Variants in CHD6 observed in about 807,000 individuals in gnomAD.
CHD6 encodes chromodomain helicase DNA binding protein 6, also known as ATP-dependent chromatin remodeler CHD6.
Under a neutral mutation model 276.9 loss-of-function variants are expected in CHD6, and 50 were observed. The observed-to-expected ratio is 0.18, with a 90% confidence interval of 0.14 to 0.23. CHD6 has a LOEUF of 0.23. CHD6 is among the 10% of genes least tolerant of loss of function. CHD6 has a pLI of 1.00. For missense variants in CHD6, 2,564 were observed against 3,365.8 expected, an observed-to-expected ratio of 0.76 and a Z score of 5.89; for synonymous variants, 1,173 against 1,229.3, an observed-to-expected ratio of 0.95 and a Z score of 0.96.
At chr20:41,576,996 C>A (rs1314986132) in intron 1 of CHD6, among the ~76,000 whole-genome samples, 1 of 152,052 alleles carries the variant, frequency 6.6e-6, no homozygotes, top group Non-Finnish European at 1.5e-5. Context: ...CCCATCTGAA[C>A]TAACATTTGG....
intron 2 of CHD6, chr20:41,547,468 G>T: frequency 2.8e-6 from 1 of 356,262 alleles, no homozygotes; most frequent in South Asian, 2.4e-5. Flanking sequence ...GTATACCTGA[G>T]GTGCACCGGG....
intron 1 of CHD6, among the ~76,000 whole-genome samples, chr20:41,557,408 TTTTC>T (rs1027933260): frequency 3.9e-5 from 6 of 151,996 alleles, no homozygotes; most frequent in African/African-American, 1.4e-4. Context: ...GAAAGTTTTC[TTTTC>T]TTTTTTTTTT....
intron 1 of CHD6, among the ~76,000 whole-genome samples, chr20:41,583,249 A>C (rs2045559506): frequency 6.6e-6 from 1 of 152,210 alleles, no homozygotes; most frequent in Non-Finnish European, 1.5e-5. Context: ...GCTAAAAATC[A>C]AAGTTAAACA....
chr20:41,416,867 G>A, intron 32 of CHD6, 73 bp from the exon 33 acceptor site: 1 of 1,298,844 alleles, frequency 7.7e-7, no homozygotes, highest in South Asian at 1.6e-5. Flanking sequence ...TGAGATCAAG[G>A]GTTAAGCTTT....
At chr20:41,609,185 T>C (rs2045859866) in intron 1 of CHD6, among the ~76,000 whole-genome samples, 1 of 152,148 alleles carries the variant, frequency 6.6e-6, no homozygotes, top group African/African-American at 2.4e-5. Flanking sequence ...TGCAGTGGCA[T>C]GTCTGTAGTC....
At chr20:41,426,639 C>T (rs1291101115) in intron 27 of CHD6, among the ~76,000 whole-genome samples, 4 of 152,206 alleles carry the variant, frequency 2.6e-5, no homozygotes, top group Non-Finnish European at 1.5e-5. Context: ...TCATAAAACA[C>T]TACTGCTCCA....
chr20:41,602,431 C>A (rs1258350954), intron 1 of CHD6, among the ~76,000 whole-genome samples: 4 of 152,172 alleles, frequency 2.6e-5, no homozygotes, highest in Non-Finnish European at 5.9e-5. Flanking sequence ...TTACCCCAGC[C>A]TTCATCTCAC....
At position 41,493,889 on chromosome 20, in the gene CHD6, AC is replaced by A; in HGVS notation, c.1147del (p.Val383TrpfsTer13). 6.2e-7 allele frequency: 1 copy of A among 1,613,932 alleles called. No homozygotes were observed. Among genetic ancestry groups the A allele is most frequent in the Non-Finnish European group, 8.5e-7 (1 of 1,179,898 alleles). Reference sequence around the variant, plus strand: ...TGTTTCTGCATCCTTGGTGTGGGCCACCTCCAAGATGCGATCAACTTCTACA... The same window carrying A: ...TGTTTCTGCATCCTTGGTGTGGGCCACTCCAAGATGCGATCAACTTCTACA... ...DYVEVDRILE[V>X]AHTKDAETGE... On this transcript the variant is annotated frameshift_variant, in exon 9 of 37. Transcript: ENST00000373233. LOFTEE classifies it high-confidence loss of function.
At position 41,404,220 on chromosome 20, in the gene CHD6, T is replaced by C; in HGVS notation, c.*373A>G. On this transcript the variant is annotated 3_prime_UTR_variant, in exon 37 of 37. Transcript: ENST00000373233. ...AAAAAGAGCTCCTCTTTGTCTCTGT[T>C]CTTCCACCCTTCAATGGTAAAACCC... 9.3e-7 allele frequency: 1 copy of C among 1,073,572 alleles called. No homozygotes were observed. The highest frequency in any genetic ancestry group is 1.1e-6 in the Non-Finnish European group (1 of 885,636). 66.5% of individuals were successfully genotyped at this position (1,073,572 alleles called of 1,614,324 possible).
chr20:41,548,204 A>T (rs1275281909), intron 2 of CHD6, among the ~76,000 whole-genome samples: 1 of 152,216 alleles, frequency 6.6e-6, no homozygotes, highest in East Asian at 1.9e-4. Flanking sequence ...TTATAAGAGG[A>T]GCAGGATCAA....
chr20:41,536,038 A>G (rs1228436755), intron 2 of CHD6, among the ~76,000 whole-genome samples: 1 of 151,404 alleles, frequency 6.6e-6, no homozygotes, highest in Non-Finnish European at 1.5e-5. Flanking sequence ...CTTTGAAAAC[A>G]TATTTGCTGA....
At position 41,422,011 on chromosome 20, in the gene CHD6, T is replaced by G. The variant is rs755904047; in HGVS notation, c.4624A>C (p.Ile1542Leu). The G allele has an allele frequency of 6.2e-7, 1 of 1,614,192 alleles. No homozygotes were observed. The highest frequency in any genetic ancestry group is 8.5e-7 in the Non-Finnish European group (1 of 1,180,020). The change falls in exon 31 of 37, where the codon ATT becomes CTT. Residue 1542 changes from isoleucine to leucine, a missense_variant. Physicochemically the swap from Ile to Leu is conservative, Grantham distance 5. This residue lies in a region of CHD6 where 515 missense variants were observed against 739.5 expected (regional missense o/e 0.70). Transcript: ENST00000373233. ...TCTCGGACTTTCCGTAACAGTTCAA[T>G]GCGGTACAGAGTTCTTGCAGCACGT... ...EERAARTLYR[I>L]ELLRKVREQV...
At chr20:41,496,385 G>C (rs2043686096) in intron 8 of CHD6, among the ~76,000 whole-genome samples, 1 of 152,140 alleles carries the variant, frequency 6.6e-6, no homozygotes, top group Non-Finnish European at 1.5e-5. Flanking sequence ...GATCTGGTTA[G>C]AACGTCTCCT....
intron 1 of CHD6, among the ~76,000 whole-genome samples, chr20:41,594,815 G>C (rs2045701061): frequency 6.6e-6 from 1 of 152,224 alleles, no homozygotes; most frequent in Non-Finnish European, 1.5e-5. Context: ...GGTCAGCTTA[G>C]ACTGTGTGGT....
chr20:41,519,527 C>A (rs1184136636), intron 3 of CHD6, among the ~76,000 whole-genome samples: 2 of 152,018 alleles, frequency 1.3e-5, no homozygotes, highest in African/African-American at 4.8e-5. Context: ...CAATGTAATA[C>A]TAGACAGCTA....
intron 3 of CHD6, among the ~76,000 whole-genome samples, chr20:41,515,586 G>A (rs2044230344): frequency 6.6e-6 from 1 of 152,094 alleles, no homozygotes; most frequent in Non-Finnish European, 1.5e-5. Context: ...CTTCCTAGCT[G>A]GTAAAATCTC....
chr20:41,609,732 A>G (rs1296226579), intron 1 of CHD6, among the ~76,000 whole-genome samples: 2 of 152,202 alleles, frequency 1.3e-5, no homozygotes, highest in Non-Finnish European at 2.9e-5. Flanking sequence ...TTGAAAATCT[A>G]AAACCTGGTA....
At chr20:41,509,910 G>A (rs1315545683) in intron 5 of CHD6, among the ~76,000 whole-genome samples, 4 of 152,148 alleles carry the variant, frequency 2.6e-5, no homozygotes, top group Non-Finnish European at 2.9e-5. Context: ...GAGCTAAAGC[G>A]AATCCTGTGT....
At chr20:41,489,381 TC>T (rs11478089) in intron 12 of CHD6, among the ~76,000 whole-genome samples, 34,803 of 152,118 alleles carry the variant, frequency 0.23, 4,152 homozygotes, top group East Asian at 0.39. Context: ...TTTATCCTTC[TC>T]TGTCAAATCT....
Sources: allele counts gnomAD v4.1 joint callset (sites outside exome capture counted in the v4.1 genomes callset), GRCh38; gene constraint gnomAD v4.1.1; regional missense constraint gnomAD v4.1.1; transcripts MANE v1.5; gene names NCBI Gene and HGNC (gene_info 2026-07-23, HGNC 2026-07-21).